Variants in LRRC4C observed in about 807,000 individuals in gnomAD.
LRRC4C encodes the protein leucine rich repeat containing 4C.
Under a neutral mutation model 33.6 loss-of-function variants are expected in LRRC4C, and 5 were observed. The ratio of observed to expected loss-of-function variants is 0.15; its 90% CI spans 0.08 to 0.31. The LOEUF (loss-of-function observed/expected upper bound fraction) is 0.31. Among genes scored for constraint, LRRC4C ranks in the 10% least tolerant of loss-of-function variants. The probability of loss-of-function intolerance (pLI) is 1.00; values close to 1 mark genes in which losing one functional copy is unlikely to be tolerated. For synonymous variants in LRRC4C, 329 were observed against 302.0 expected (o/e 1.09, Z -0.93); for missense variants, 560 against 796.7 (o/e 0.70, Z 3.58).
At chr11:41,164,178 T>G (rs996973248) in intron 1 of LRRC4C, among the ~76,000 whole-genome samples, 1 of 117,320 alleles carries the variant, frequency 8.5e-6, no homozygotes, top group Non-Finnish European at 1.7e-5. Flanking sequence ...CTTCTTTTTC[T>G]TTTACCTTTT....
intron 2 of LRRC4C, among the ~76,000 whole-genome samples, chr11:40,754,805 T>A (rs1176144734): frequency 6.6e-6 from 1 of 152,124 alleles, no homozygotes; most frequent in Non-Finnish European, 1.5e-5. Flanking sequence ...TTTATCATGC[T>A]CACATTTTTT....
intron 3 of LRRC4C, among the ~76,000 whole-genome samples, chr11:40,534,940 T>C (rs925312678): frequency 2.0e-5 from 3 of 152,182 alleles, no homozygotes; most frequent in African/African-American, 7.2e-5. Flanking sequence ...ACAGTATCTT[T>C]CCTAATGTCA....
chr11:41,383,994 T>G (rs948189032), intron 1 of LRRC4C, among the ~76,000 whole-genome samples: 6 of 151,990 alleles, frequency 3.9e-5, no homozygotes, highest in South Asian at 2.1e-4. Context: ...AATTCTGCAC[T>G]AAAATTTAAG....
chr11:40,181,136 C>G (rs1343135792), intron 5 of LRRC4C, among the ~76,000 whole-genome samples: 2 of 152,150 alleles, frequency 1.3e-5, no homozygotes, highest in African/African-American at 4.8e-5. Context: ...TTCCCATCAC[C>G]ACAATTCTCT....
intron 3 of LRRC4C, among the ~76,000 whole-genome samples, chr11:40,630,343 TC>T (rs1963359636): frequency 3.2e-5 from 1 of 31,632 alleles, no homozygotes; most frequent in African/African-American, 8.3e-5. Flanking sequence ...TTCTTCTTCT[TC>T]TTCTTCTTCT....
chr11:40,877,458 T>C (rs977965637), intron 2 of LRRC4C, among the ~76,000 whole-genome samples: 3 of 152,136 alleles, frequency 2.0e-5, no homozygotes, highest in Non-Finnish European at 2.9e-5. Flanking sequence ...TCAACCCGGA[T>C]TGCATACCAC....
intron 1 of LRRC4C, among the ~76,000 whole-genome samples, chr11:41,154,409 TTTAGTTCTATCATTGC>T (rs1295982378): frequency 1.3e-4 from 20 of 152,152 alleles, no homozygotes; most frequent in African/African-American, 4.8e-4. Context: ...ATAATTGGTA[TTTAGTTCTATCATTGC>T]TTACGGAAAA....
At chr11:41,168,557 C>G (rs1944831561) in intron 1 of LRRC4C, among the ~76,000 whole-genome samples, 1 of 151,998 alleles carries the variant, frequency 6.6e-6, no homozygotes. Context: ...CCTCATCAAC[C>G]AAACAATTCA....
At chr11:40,945,229 C>T (rs912950281) in intron 1 of LRRC4C, among the ~76,000 whole-genome samples, 3 of 42,800 alleles carry the variant, frequency 7.0e-5, no homozygotes, top group Admixed American at 2.5e-4. Context: ...ACGGGGTTAA[C>T]CTGGATGGTC....
At chr11:40,470,481 C>T (rs752149218) in intron 3 of LRRC4C, among the ~76,000 whole-genome samples, 1 of 152,194 alleles carries the variant, frequency 6.6e-6, no homozygotes. Context: ...CTCTTCTCCT[C>T]CAAAGGATCA....
chr11:40,384,792 G>A (rs1949039930), intron 3 of LRRC4C, among the ~76,000 whole-genome samples: 1 of 151,794 alleles, frequency 6.6e-6, no homozygotes. Flanking sequence ...GCCACTCCTG[G>A]CAGGTTTGTT....
chr11:40,592,331 C>G (rs1959096772), intron 3 of LRRC4C, among the ~76,000 whole-genome samples: 1 of 152,158 alleles, frequency 6.6e-6, no homozygotes, highest in Non-Finnish European at 1.5e-5. Flanking sequence ...GCATCATAAT[C>G]ACTTGGAGGG....
intron 2 of LRRC4C, among the ~76,000 whole-genome samples, chr11:40,821,621 C>A (rs1274663614): frequency 6.6e-6 from 1 of 151,240 alleles, no homozygotes; most frequent in African/African-American, 2.4e-5. Flanking sequence ...TAATATTTGT[C>A]TTTTACATTA....
intron 3 of LRRC4C, among the ~76,000 whole-genome samples, chr11:40,393,207 A>C (rs1249147820): frequency 6.6e-6 from 1 of 152,138 alleles, no homozygotes; most frequent in Non-Finnish European, 1.5e-5. Context: ...TTCAGGGATA[A>C]ATGAAACCTT....
At chr11:41,052,937 T>C (rs770883838) in intron 1 of LRRC4C, among the ~76,000 whole-genome samples, 1 of 152,210 alleles carries the variant, frequency 6.6e-6, no homozygotes, top group Non-Finnish European at 1.5e-5. Context: ...CAAATTTTAC[T>C]AGTCCATTAA....
chr11:40,503,432 C>T (rs765052373), intron 3 of LRRC4C, among the ~76,000 whole-genome samples: 3 of 152,176 alleles, frequency 2.0e-5, no homozygotes, highest in Non-Finnish European at 4.4e-5. Flanking sequence ...AGGTATTGAG[C>T]TCCTTAAACA....
At chr11:40,971,342 A>G (rs1017080861) in intron 1 of LRRC4C, among the ~76,000 whole-genome samples, 5 of 152,194 alleles carry the variant, frequency 3.3e-5, no homozygotes, top group African/African-American at 1.2e-4. Context: ...AGCTCCAGCC[A>G]TGGGTCAAAG....
chr11:41,258,463 A>G (rs1275392507), intron 1 of LRRC4C, among the ~76,000 whole-genome samples: 1 of 152,012 alleles, frequency 6.6e-6, no homozygotes, highest in East Asian at 1.9e-4. Flanking sequence ...ATGTTTTAAT[A>G]TCTATATTAT....
chr11:41,184,255 G>A (rs551251081), intron 1 of LRRC4C, among the ~76,000 whole-genome samples: 6 of 147,774 alleles, frequency 4.1e-5, no homozygotes, highest in South Asian at 2.2e-4. Context: ...CAGAAAATGC[G>A]TTTTTTTTTT....
Sources: gnomAD v4.1 joint callset for allele counts (sites outside exome capture counted in the v4.1 genomes callset) on GRCh38, gnomAD v4.1.1 for gene constraint, MANE v1.5 for transcripts, NCBI Gene and HGNC (gene_info 2026-07-23, HGNC 2026-07-21) for gene names.